The following NRXN1 variants were observed in gnomAD, a reference collection of about 807,000 sequenced individuals.
NRXN1 encodes the protein neurexin-1.
Under a neutral mutation model 150.9 loss-of-function variants are expected in NRXN1, and 39 were observed. The ratio of observed to expected loss-of-function variants is 0.26; its 90% CI spans 0.20 to 0.34. The LOEUF (loss-of-function observed/expected upper bound fraction) is 0.34, where lower values mean the gene tolerates loss of function less well. NRXN1 is among the 10% of genes least tolerant of loss of function. The probability of loss-of-function intolerance (pLI) is 1.00; values close to 1 mark genes in which losing one functional copy is unlikely to be tolerated. For synonymous variants in NRXN1, 924 were observed against 757.0 expected, an observed-to-expected ratio of 1.22 and a Z score of -3.62; for missense variants, 1,815 against 1,949.9, an observed-to-expected ratio of 0.93 and a Z score of 1.30.
At chr2:50,213,678 G>A (rs2063188895) in intron 18 of NRXN1, among the ~76,000 whole-genome samples, 1 of 151,768 alleles carries the variant, frequency 6.6e-6, no homozygotes, top group African/African-American at 2.4e-5. Context: ...TAATTATCAT[G>A]CCTCCTCGAG....
At chr2:50,490,388 C>T (rs1171221852) in intron 15 of NRXN1, among the ~76,000 whole-genome samples, 1 of 152,146 alleles carries the variant, frequency 6.6e-6, no homozygotes, top group Non-Finnish European at 1.5e-5. Context: ...CCCATAGTCT[C>T]CTTCTCTTCC....
intron 17 of NRXN1, among the ~76,000 whole-genome samples, chr2:50,312,525 C>A (rs2075266169): frequency 6.6e-6 from 1 of 151,838 alleles, no homozygotes; most frequent in Non-Finnish European, 1.5e-5. Context: ...AGTGCTTTTA[C>A]ATTTTCAACG....
chr2:50,904,688 T>A (rs1330952478), intron 5 of NRXN1, among the ~76,000 whole-genome samples: 1 of 152,198 alleles, frequency 6.6e-6, no homozygotes, highest in African/African-American at 2.4e-5. Flanking sequence ...AGATTACTAA[T>A]CTGTATTTTA....
chr2:50,651,826 T>C (rs573060594), intron 5 of NRXN1, among the ~76,000 whole-genome samples: 2 of 152,192 alleles, frequency 1.3e-5, no homozygotes, highest in African/African-American at 2.4e-5. Context: ...TTTCTGGTCC[T>C]AATTAACTCC....
intron 21 of NRXN1, among the ~76,000 whole-genome samples, chr2:49,976,825 G>A (rs1478906932): frequency 6.6e-6 from 1 of 152,186 alleles, no homozygotes; most frequent in Non-Finnish European, 1.5e-5. Context: ...AGGAACGAAT[G>A]TAAAAGGCTG....
At chr2:50,300,284 ATC>A (rs1219519695) in intron 17 of NRXN1, among the ~76,000 whole-genome samples, 1 of 152,200 alleles carries the variant, frequency 6.6e-6, no homozygotes. Flanking sequence ...TGCCAGAGAT[ATC>A]TTAGTTACAA....
intron 5 of NRXN1, among the ~76,000 whole-genome samples, chr2:50,730,032 C>A (rs529816532): frequency 6.6e-6 from 1 of 152,256 alleles, no homozygotes; most frequent in Non-Finnish European, 1.5e-5. Flanking sequence ...CAGCCACTCT[C>A]TCGACAGATG....
chr2:50,399,363 C>T (rs2082247730), intron 17 of NRXN1, among the ~76,000 whole-genome samples: 1 of 151,998 alleles, frequency 6.6e-6, no homozygotes, highest in Non-Finnish European at 1.5e-5. Flanking sequence ...GAAATGTTTT[C>T]CAGCACTGTT....
intron 5 of NRXN1, among the ~76,000 whole-genome samples, chr2:50,881,545 C>T (rs1679430899): frequency 6.6e-6 from 1 of 151,866 alleles, no homozygotes; most frequent in African/African-American, 2.4e-5. Flanking sequence ...GCAAAAATTA[C>T]TAATGACTAA....
intron 18 of NRXN1, among the ~76,000 whole-genome samples, chr2:50,209,921 C>T (rs1385201809): frequency 6.6e-6 from 1 of 151,938 alleles, no homozygotes. Flanking sequence ...AATAATTGTG[C>T]TATACTATAT....
chr2:50,620,303 CT>C (rs3832122), intron 7 of NRXN1, 120 bp from the exon 8 acceptor site: 2 of 1,161,754 alleles, frequency 1.7e-6, no homozygotes, highest in Non-Finnish European at 2.4e-6. Context: ...TTGCTTTTTT[CT>C]TTTTTTCTGT....
At chr2:50,664,910 T>G (rs555414580) in intron 5 of NRXN1, among the ~76,000 whole-genome samples, 1 of 152,050 alleles carries the variant, frequency 6.6e-6, no homozygotes, top group Non-Finnish European at 1.5e-5. Flanking sequence ...GAGATATTTA[T>G]CCTTCAAATT....
At chr2:50,242,085 G>C (rs905387920) in intron 17 of NRXN1, among the ~76,000 whole-genome samples, 9 of 151,656 alleles carry the variant, frequency 5.9e-5, no homozygotes, top group African/African-American at 1.2e-4. Context: ...GAAACATTCA[G>C]GCAATTATGT....
At position 51,028,189 on chromosome 2, in the gene NRXN1, T is replaced by G. The variant is rs1670913788; in HGVS notation, c.85A>C (p.Ser29Arg). 1 of 1,503,188 alleles carries G rather than the reference T, an allele frequency of 6.7e-7. No individual in the cohort carries two copies. The highest frequency in any genetic ancestry group is 2.1e-5 in the Admixed American group (1 of 47,682). The allele number at this position is 1,503,188 out of a possible 1,614,324, so 93.1% of individuals were successfully genotyped here. The part of the protein sequence containing the change: ...LLLGCWAELG[S>R]GLEFPGAEGQ... ...TCGGCGCCCGGAAACTCCAGCCCGCTGCCCAGCTCCGCCCAGCAGCCCAGG... is the reference window on the plus strand; with the variant it reads ...TCGGCGCCCGGAAACTCCAGCCCGCGGCCCAGCTCCGCCCAGCAGCCCAGG... The change falls in exon 2 of 23, where the codon AGC (serine) becomes CGC (arginine). Residue 29 changes from serine (S) to arginine (R), a missense_variant. This residue lies in a region of NRXN1 where 554 missense variants were observed against 478.8 expected (regional missense o/e 1.16). Coordinates refer to ENST00000401669, the MANE Select transcript of NRXN1 (RefSeq NM_001330078.2).
intron 18 of NRXN1, among the ~76,000 whole-genome samples, chr2:50,139,877 T>C (rs1238811373): frequency 1.3e-5 from 2 of 152,160 alleles, no homozygotes; most frequent in Non-Finnish European, 2.9e-5. Flanking sequence ...GAATAATATA[T>C]GTGGGAGCTG....
intron 8 of NRXN1, among the ~76,000 whole-genome samples, chr2:50,590,997 CTCTG>C (rs1674090354): frequency 1.3e-5 from 2 of 152,140 alleles, no homozygotes; most frequent in Admixed American, 6.5e-5. Flanking sequence ...CCACTGAGGT[CTCTG>C]TCTTTTATTA....
intron 2 of NRXN1, among the ~76,000 whole-genome samples, chr2:50,998,862 AAATT>A (rs994104177): frequency 6.6e-6 from 1 of 152,048 alleles, no homozygotes; most frequent in Non-Finnish European, 1.5e-5. Context: ...ATGTTTTTTA[AAATT>A]AATATAGAAA....
chr2:50,367,018 G>A (rs1415397541), intron 17 of NRXN1, among the ~76,000 whole-genome samples: 1 of 151,892 alleles, frequency 6.6e-6, no homozygotes, highest in Non-Finnish European at 1.5e-5. Flanking sequence ...GGGTGAGTAC[G>A]CCAGCTGAGG....
intron 17 of NRXN1, among the ~76,000 whole-genome samples, chr2:50,408,880 T>A (rs1490324501): frequency 6.6e-6 from 1 of 150,604 alleles, no homozygotes; most frequent in African/African-American, 2.4e-5. Context: ...TCTCTCATAT[T>A]TATATGCTCT....
Sources: allele counts gnomAD v4.1 joint callset (sites outside exome capture counted in the v4.1 genomes callset), GRCh38; gene constraint gnomAD v4.1.1; regional missense constraint gnomAD v4.1.1; transcripts MANE v1.5; gene names NCBI Gene and HGNC (gene_info 2026-07-23, HGNC 2026-07-21).